The following SYT16 variants were observed in gnomAD, a reference collection of about 807,000 sequenced individuals.
The protein encoded by SYT16 is synaptotagmin-16.
SYT16 carries 42 observed loss-of-function variants against 61.4 expected under a neutral mutation model. That is an observed-to-expected ratio of 0.68 (90% CI 0.53 to 0.89). The LOEUF is 0.89. SYT16 is among the 40% of genes least tolerant of loss of function. SYT16 has a pLI of 0.00. For missense variants in SYT16, 804 were observed against 807.3 expected, an observed-to-expected ratio of 1.00 and a Z score of 0.05; for synonymous variants, 314 against 302.3, an observed-to-expected ratio of 1.04 and a Z score of -0.40.
intron 1 of SYT16, among the ~76,000 whole-genome samples, chr14:61,943,783 A>T (rs1375393089): frequency 2.0e-5 from 3 of 152,242 alleles, no homozygotes; most frequent in East Asian, 3.8e-4. Flanking sequence ...GTCATATTGA[A>T]TGGGCAAAAT....
chr14:61,875,067 G>A (rs2047444503), intron 1 of SYT16, among the ~76,000 whole-genome samples: 1 of 152,184 alleles, frequency 6.6e-6, no homozygotes, highest in Non-Finnish European at 1.5e-5. Context: ...GCTTGTTAGA[G>A]CTGTGGAATT....
chr14:61,964,263 A>C (rs2051221806), intron 1 of SYT16, among the ~76,000 whole-genome samples: 1 of 152,186 alleles, frequency 6.6e-6, no homozygotes. Flanking sequence ...AAACATTTGG[A>C]AAGGTTCACC....
At chr14:61,914,987 A>G (rs1429561914) in intron 1 of SYT16, among the ~76,000 whole-genome samples, 1 of 152,080 alleles carries the variant, frequency 6.6e-6, no homozygotes, top group East Asian at 1.9e-4. Context: ...CATCTCCTCC[A>G]ACTCTTCCCT....
chr14:61,923,824 A>G (rs572701146), intron 1 of SYT16, among the ~76,000 whole-genome samples: 143 of 152,276 alleles, frequency 9.4e-4, no homozygotes, highest in African/African-American at 3.4e-3. Context: ...AAGATTCAAA[A>G]CCAACATATT....
chr14:61,846,425 C>G (rs1323694393), intron 1 of SYT16, among the ~76,000 whole-genome samples: 1 of 152,144 alleles, frequency 6.6e-6, no homozygotes, highest in Non-Finnish European at 1.5e-5. Context: ...TTCTTTGTCT[C>G]CTCTTACAGT....
In SYT16 at chr14:61,850,617, C is replaced by T. The variant is rs1320229681; in HGVS notation, c.-325+37807C>T. Among the ~76,000 whole-genome samples, 5 of 152,122 alleles carry T rather than the reference C, an allele frequency of 3.3e-5. No individual in the cohort carries two copies. The East Asian group carries it at 9.6e-4, about 29-fold the overall frequency. ...GTCTACCCAGTAAGTAAATTGTAAACATTTCAAATAATGAGATTCTTTTAT... is the reference window on the plus strand; with the variant it reads ...GTCTACCCAGTAAGTAAATTGTAAATATTTCAAATAATGAGATTCTTTTAT... On this transcript the variant is annotated intron_variant, in intron 1 of 7. Transcript: ENST00000683842.
At chr14:61,929,400 T>G (rs540124053) in intron 1 of SYT16, among the ~76,000 whole-genome samples, 2 of 152,162 alleles carry the variant, frequency 1.3e-5, no homozygotes, top group African/African-American at 4.8e-5. Context: ...TAGGGGAGGA[T>G]GCGTACAAGT....
intron 1 of SYT16, among the ~76,000 whole-genome samples, chr14:61,842,211 A>C (rs975287029): frequency 3.9e-5 from 6 of 152,186 alleles, no homozygotes; most frequent in Non-Finnish European, 7.3e-5. Context: ...AGTTATTTAA[A>C]AATGTACAAT....
intron 1 of SYT16, among the ~76,000 whole-genome samples, chr14:61,881,888 G>A (rs964361385): frequency 6.6e-6 from 1 of 152,172 alleles, no homozygotes; most frequent in Non-Finnish European, 1.5e-5. Context: ...CACTAAGCCA[G>A]AAACCTTAAC....
At chr14:61,974,057 G>A (rs2051677977) in intron 2 of SYT16, among the ~76,000 whole-genome samples, 1 of 152,150 alleles carries the variant, frequency 6.6e-6, no homozygotes, top group Non-Finnish European at 1.5e-5. Flanking sequence ...ATGTGGGCCT[G>A]GGGGGCTGTG....
chr14:61,919,949 C>T (rs537544481), intron 1 of SYT16, among the ~76,000 whole-genome samples: 1 of 152,358 alleles, frequency 6.6e-6, no homozygotes, highest in South Asian at 2.1e-4. Flanking sequence ...CCTTGATACA[C>T]ATTTTATCAC....
At chr14:61,899,781 A>G (rs2048446817) in intron 1 of SYT16, among the ~76,000 whole-genome samples, 1 of 152,174 alleles carries the variant, frequency 6.6e-6, no homozygotes, top group Admixed American at 6.5e-5. Flanking sequence ...AAGACAGATG[A>G]GCTGATGTGA....
chr14:61,820,628 C>T (rs997008483), intron 1 of SYT16, among the ~76,000 whole-genome samples: 4 of 151,830 alleles, frequency 2.6e-5, no homozygotes, highest in African/African-American at 9.7e-5. Context: ...ATTACAAGTG[C>T]CTGCCACCAT....
chr14:61,974,641 A>G (rs1471653085), intron 2 of SYT16, among the ~76,000 whole-genome samples: 2 of 152,186 alleles, frequency 1.3e-5, no homozygotes, highest in Non-Finnish European at 2.9e-5. Context: ...GGGAACATGA[A>G]GGTGGGAGTG....
At chr14:61,882,868 A>G (rs1190594294) in intron 1 of SYT16, among the ~76,000 whole-genome samples, 2 of 152,254 alleles carry the variant, frequency 1.3e-5, no homozygotes, top group Admixed American at 6.5e-5. Flanking sequence ...TTCAGGCTCT[A>G]TGCAAGTCTG....
chr14:62,073,815 T>C (rs1375346182), intron 4 of SYT16, among the ~76,000 whole-genome samples: 1 of 152,250 alleles, frequency 6.6e-6, no homozygotes. Context: ...CAATATTTGC[T>C]ACCTACCTAG....
At chr14:61,955,937 T>A (rs561774924) in intron 1 of SYT16, among the ~76,000 whole-genome samples, 2 of 152,106 alleles carry the variant, frequency 1.3e-5, no homozygotes, top group East Asian at 3.9e-4. Context: ...TTTCTTCATA[T>A]CCTCCCCAAC....
At chr14:61,837,997 C>T (rs1260090550) in intron 1 of SYT16, among the ~76,000 whole-genome samples, 10 of 152,202 alleles carry the variant, frequency 6.6e-5, no homozygotes, top group African/African-American at 1.4e-4. Context: ...CAAGAAATTT[C>T]GTTGCCCCTG....
At chr14:61,967,031 A>G (rs916613202) in intron 1 of SYT16, among the ~76,000 whole-genome samples, 1 of 152,226 alleles carries the variant, frequency 6.6e-6, no homozygotes, top group African/African-American at 2.4e-5. Context: ...AGAAGCTGTC[A>G]AGGGCTTGGT....
Sources: gnomAD v4.1 joint callset for allele counts (sites outside exome capture counted in the v4.1 genomes callset) on GRCh38, gnomAD v4.1.1 for gene constraint, MANE v1.5 for transcripts, NCBI Gene and HGNC (gene_info 2026-07-23, HGNC 2026-07-21) for gene names.